Variants in TXNRD1 observed in about 807,000 individuals in gnomAD.
The protein encoded by TXNRD1 is thioredoxin reductase 1.
TXNRD1 carries 57 observed loss-of-function variants against 80.3 expected under a neutral mutation model. The ratio of observed to expected loss-of-function variants is 0.71; its 90% confidence interval spans 0.57 to 0.89. TXNRD1 has a LOEUF of 0.89. Ranked by LOEUF, TXNRD1 falls within the 40% of genes least tolerant of loss-of-function variation. The pLI is 0.00. For synonymous variants in TXNRD1, 291 were observed against 285.2 expected (o/e 1.02, Z -0.20); for missense variants, 730 against 803.0 (o/e 0.91, Z 1.10).
intron 1 of TXNRD1, among the ~76,000 whole-genome samples, chr12:104,233,461 A>G (rs932878053): frequency 6.6e-6 from 1 of 152,092 alleles, no homozygotes; most frequent in South Asian, 2.1e-4. Context: ...GAGTTTCCAA[A>G]TTCTAGAGGA....
intron 1 of TXNRD1, among the ~76,000 whole-genome samples, chr12:104,250,178 A>G (rs2033088865): frequency 1.3e-5 from 2 of 152,176 alleles, no homozygotes; most frequent in African/African-American, 4.8e-5. Flanking sequence ...CTTTTCAACA[A>G]ATGGTGCTGA....
intron 4 of TXNRD1, among the ~76,000 whole-genome samples, chr12:104,309,116 T>C (rs946218054): frequency 5.9e-5 from 9 of 152,070 alleles, no homozygotes; most frequent in Admixed American, 1.3e-4. Context: ...CCCAGGCTGA[T>C]TGTGAACTCC....
intron 16 of TXNRD1, among the ~76,000 whole-genome samples, chr12:104,340,566 A>G (rs2036287752): frequency 6.6e-6 from 1 of 152,182 alleles, no homozygotes; most frequent in African/African-American, 2.4e-5. Context: ...GTCTTCTAGT[A>G]GCAATGGCAA....
chr12:104,304,414 C>T (rs779595217), intron 4 of TXNRD1: 2 of 1,613,966 alleles, frequency 1.2e-6, no homozygotes, highest in Non-Finnish European at 1.7e-6. Flanking sequence ...AAGCAACATC[C>T]TGGATGGTAA....
intron 10 of TXNRD1, among the ~76,000 whole-genome samples, chr12:104,321,578 T>C (rs1179792004): frequency 6.6e-6 from 1 of 152,240 alleles, no homozygotes; most frequent in East Asian, 1.9e-4. Context: ...TTTAATGCTT[T>C]CCTTTATGCA....
At chr12:104,346,259 C>A in intron 16 of TXNRD1, 1 of 188,624 alleles carries the variant, frequency 5.3e-6, no homozygotes. Context: ...GCAATCCTCC[C>A]GCCTTGGCTT....
chr12:104,267,711 TTCTTTCTTTC>T (rs1438341567), intron 3 of TXNRD1, among the ~76,000 whole-genome samples: 5 of 57,454 alleles, frequency 8.7e-5, no homozygotes, highest in Admixed American at 1.9e-4. Flanking sequence ...CTCTCTTTCT[TTCTTTCTTTC>T]TCTTTCTTTC....
At chr12:104,318,048 C>T (rs922646572) in intron 7 of TXNRD1, among the ~76,000 whole-genome samples, 2 of 152,120 alleles carry the variant, frequency 1.3e-5, no homozygotes, top group Non-Finnish European at 2.9e-5. Flanking sequence ...GGCTGAGGCA[C>T]GAGAATAGCT....
chr12:104,302,733 C>G (rs1035427335), intron 4 of TXNRD1, among the ~76,000 whole-genome samples: 1 of 151,380 alleles, frequency 6.6e-6, no homozygotes, highest in African/African-American at 2.4e-5. Context: ...TCGTGATCCG[C>G]CCGCCTCGGC....
intron 1 of TXNRD1, among the ~76,000 whole-genome samples, chr12:104,218,420 G>A (rs1415624956): frequency 1.3e-5 from 2 of 152,038 alleles, no homozygotes; most frequent in Non-Finnish European, 2.9e-5. Flanking sequence ...ACTCAGCTGA[G>A]GAAATAAACG....
chr12:104,317,009 C>T (rs10861199), intron 7 of TXNRD1, among the ~76,000 whole-genome samples: 74,166 of 152,026 alleles, frequency 0.49, 18,550 homozygotes, highest in East Asian at 0.62. Flanking sequence ...GATGCTTTTA[C>T]TTCCTACTTA....
At chr12:104,225,295 G>A (rs563671445) in intron 1 of TXNRD1, among the ~76,000 whole-genome samples, 1 of 152,314 alleles carries the variant, frequency 6.6e-6, no homozygotes, top group South Asian at 2.1e-4. Flanking sequence ...GAGGCCCAGA[G>A]AGGTAACAAG....
At chr12:104,275,705 T>C (rs79558031) in intron 3 of TXNRD1, among the ~76,000 whole-genome samples, 8,679 of 152,256 alleles carry the variant, frequency 0.057, 309 homozygotes, top group Middle Eastern at 0.15. Context: ...TTGATCGGTG[T>C]CCACTGTAAT....
chr12:104,305,305 A>T (rs143734091), intron 4 of TXNRD1: 14 of 159,278 alleles, frequency 8.8e-5, no homozygotes, highest in Middle Eastern at 3.1e-3. Flanking sequence ...AACCAAGAGA[A>T]TCCCAGAAAG....
intron 3 of TXNRD1, chr12:104,287,528 CTA>C: frequency 1.3e-6 from 2 of 1,585,678 alleles, no homozygotes; most frequent in Admixed American, 3.5e-5. Flanking sequence ...GAAAGTATAA[CTA>C]TGTAAGAATG....
Position 104,217,854 on chromosome 12 carries a change from G to T in TXNRD1, c.91+1961G>T, listed in dbSNP as rs190954937. Among the ~76,000 whole-genome samples the T allele has an allele frequency of 2.0e-5, 3 of 152,108 alleles. No individual in the cohort carries two copies. The South Asian group carries it at 6.2e-4, about 32-fold the overall frequency. On this transcript the variant is annotated intron_variant, in intron 1 of 16. Coordinates refer to ENST00000525566, the MANE Select transcript of TXNRD1 (RefSeq NM_001093771.3). ...ATACAGTGTCTGTCTTTTTGTGACT[G>T]GCTTGTTTCACTTAGCATACTTGTC...
intron 16 of TXNRD1, among the ~76,000 whole-genome samples, chr12:104,343,767 C>T (rs1360548019): frequency 1.3e-5 from 2 of 151,582 alleles, no homozygotes; most frequent in Non-Finnish European, 2.9e-5. Context: ...CGCCACTGCA[C>T]TCCAGCCTGG....
intron 1 of TXNRD1, among the ~76,000 whole-genome samples, chr12:104,216,338 C>T (rs971748068): frequency 2.0e-5 from 3 of 152,234 alleles, no homozygotes; most frequent in African/African-American, 7.2e-5. Context: ...TCCAGAAGCC[C>T]CCGGCCCACT....
At chr12:104,314,464 G>A (rs1242990415) in intron 6 of TXNRD1, among the ~76,000 whole-genome samples, 4 of 152,200 alleles carry the variant, frequency 2.6e-5, no homozygotes, top group South Asian at 2.1e-4. Flanking sequence ...CTTCTGACCT[G>A]TGGAGCATAT....
Sources: gnomAD v4.1 joint callset for allele counts (sites outside exome capture counted in the v4.1 genomes callset) on GRCh38, gnomAD v4.1.1 for gene constraint, MANE v1.5 for transcripts, NCBI Gene and HGNC (gene_info 2026-07-23, HGNC 2026-07-21) for gene names.